Variants in ATP2C1 observed in about 807,000 individuals in gnomAD.
ATP2C1 encodes ATPase secretory pathway Ca2+ transporting 1.
ATP2C1 carries 31 observed loss-of-function variants against 120.5 expected under a neutral mutation model. That is an observed-to-expected ratio of 0.26 (90% CI 0.19 to 0.35). The LOEUF (loss-of-function observed/expected upper bound fraction) is 0.35. Among genes scored for constraint, ATP2C1 ranks in the 10% least tolerant of loss-of-function variants. The pLI is 1.00. For synonymous variants in ATP2C1, 351 were observed against 358.7 expected (o/e 0.98, Z 0.24); for missense variants, 731 against 1,107.5 (o/e 0.66, Z 4.83).
At chr3:130,895,708 T>C (rs1204728104) in intron 2 of ATP2C1, among the ~76,000 whole-genome samples, 1 of 152,248 alleles carries the variant, frequency 6.6e-6, no homozygotes, top group East Asian at 1.9e-4. Context: ...TGGCTGCTTC[T>C]AATTTGTTTT....
At chr3:130,909,688 A>T (rs567374911) in intron 2 of ATP2C1, among the ~76,000 whole-genome samples, 2 of 152,270 alleles carry the variant, frequency 1.3e-5, no homozygotes, top group East Asian at 3.9e-4. Context: ...GCAGTTTAGG[A>T]TAATGTTTAC....
At chr3:131,000,763 G>A (rs2062844739) in intron 27 of ATP2C1, among the ~76,000 whole-genome samples, 1 of 152,002 alleles carries the variant, frequency 6.6e-6, no homozygotes, top group African/African-American at 2.4e-5. Flanking sequence ...TTTTAACTGA[G>A]GGTGATTGTG....
intron 9 of ATP2C1, among the ~76,000 whole-genome samples, chr3:130,954,547 G>A (rs545667098): frequency 6.9e-4 from 105 of 152,204 alleles, no homozygotes; most frequent in African/African-American, 2.4e-3. Flanking sequence ...GTGCAGTGGC[G>A]TGATCTTGGC....
intron 14 of ATP2C1, among the ~76,000 whole-genome samples, chr3:130,965,338 T>C (rs1203541356): frequency 6.6e-6 from 1 of 152,098 alleles, no homozygotes; most frequent in African/African-American, 2.4e-5. Flanking sequence ...CCATCTACTT[T>C]ATAGCCAGCT....
At chr3:130,943,955 G>A (rs369431494) in intron 8 of ATP2C1, among the ~76,000 whole-genome samples, 73 of 152,288 alleles carry the variant, frequency 4.8e-4, no homozygotes, top group African/African-American at 1.5e-3. Context: ...TTTGGCTGTG[G>A]TGATCTTTGG....
At chr3:131,014,496 T>C (rs2063495067) in intron 26 of ATP2C1, 5 of 1,018,226 alleles carry the variant, frequency 4.9e-6, no homozygotes, top group Non-Finnish European at 7.1e-6. Flanking sequence ...AGAGCTCTTA[T>C]TGCTCTATAA....
At chr3:130,857,155 C>G (rs2067867155) in intron 1 of ATP2C1, among the ~76,000 whole-genome samples, 2 of 152,156 alleles carry the variant, frequency 1.3e-5, no homozygotes. Flanking sequence ...CAACCTTTTC[C>G]TCTATCTGAA....
chr3:131,008,309 C>T (rs115356060), intron 26 of ATP2C1, among the ~76,000 whole-genome samples: 1,600 of 151,962 alleles, frequency 0.011, 16 homozygotes, highest in Non-Finnish European at 0.017. Context: ...TCCCTGTAAT[C>T]CCAGCTTCTT....
chr3:130,974,133 TATATTAC>T (rs1405600693), intron 17 of ATP2C1, among the ~76,000 whole-genome samples: 2 of 152,204 alleles, frequency 1.3e-5, no homozygotes, highest in Non-Finnish European at 2.9e-5. Flanking sequence ...AGAAGGGTTT[TATATTAC>T]ATTGAAGAGT....
rs144439301 is a variant in ATP2C1 at position 130,983,972 on chromosome 3, C to G, written c.1839+3293C>G. Among the ~76,000 whole-genome samples the G allele has an allele frequency of 4.8e-3, 734 of 152,298 alleles. 10 individuals carry two copies. Among genetic ancestry groups the G allele is most frequent in the African/African-American group, 0.017 (691 of 41,558 alleles). ...TATATATAAAGCTGCTCTAAACATT[C>G]ATATACAGGTTTTTGCGTAGACATA... On this transcript the variant is annotated intron_variant, in intron 20 of 27. Coordinates refer to ENST00000510168, the MANE Select transcript of ATP2C1 (RefSeq NM_001378687.1).
chr3:130,877,930 C>T (rs1332922275), intron 1 of ATP2C1, among the ~76,000 whole-genome samples: 1 of 152,014 alleles, frequency 6.6e-6, no homozygotes, highest in East Asian at 1.9e-4. Flanking sequence ...AAATGTGGCA[C>T]ATATACACCA....
At chr3:130,963,866 T>G in intron 12 of ATP2C1, 105 bp from the exon 13 acceptor site, 1 of 1,361,432 alleles carries the variant, frequency 7.3e-7, no homozygotes, top group Non-Finnish European at 1.0e-6. Flanking sequence ...AGGTATTGAC[T>G]ATATTAATTT....
intron 2 of ATP2C1, among the ~76,000 whole-genome samples, chr3:130,917,950 C>T (rs766477701): frequency 1.7e-4 from 25 of 151,192 alleles, no homozygotes; most frequent in Non-Finnish European, 2.8e-4. Context: ...AAGATTCACC[C>T]ATGTTGTGCC....
rs551117961 is a variant in ATP2C1, at chr3:130,960,019, A to G, written c.899+678A>G. Among the ~76,000 whole-genome samples, 121 of 152,294 alleles carry G rather than the reference A, an allele frequency of 7.9e-4. 1 individual carries two copies. Among genetic ancestry groups the G allele is most frequent in the African/African-American group, 2.7e-3 (111 of 41,574 alleles). On this transcript the variant is annotated intron_variant, in intron 12 of 27. Coordinates refer to ENST00000510168, the MANE Select transcript of ATP2C1 (RefSeq NM_001378687.1). The stretch of plus-strand genomic sequence containing the variant: ...CAAGTATTTTCTCAAGCTAAGGCAA[A>G]AAGTAAGTCTTTATAGATTGAAAGG...
At chr3:130,991,516 A>G (rs2062341697) in intron 20 of ATP2C1, among the ~76,000 whole-genome samples, 1 of 152,108 alleles carries the variant, frequency 6.6e-6, no homozygotes, top group African/African-American at 2.4e-5. Flanking sequence ...GCACTTTACC[A>G]TCAGTATACA....
At chr3:130,851,305 A>C (rs2067668101) in intron 1 of ATP2C1, among the ~76,000 whole-genome samples, 1 of 152,324 alleles carries the variant, frequency 6.6e-6, no homozygotes, top group Non-Finnish European at 1.5e-5. Context: ...GTCTTCTTGT[A>C]TTTATGGTTA....
chr3:130,894,172 C>CAAA lies in ATP2C1; in HGVS notation c.-346_-345insAAA. On this transcript the variant is annotated 5_prime_UTR_variant, in exon 1 of 28. Transcript: ENST00000510168. This position sits in a 1 kb window ranked among gnomAD's most constrained non-coding sequence, Gnocchi z 4.5. ...TCTCCCCTCCCCGCCCGCCCTCTCT[C>CAAA]CCTCCCTTCCTCCCTCCCGCTCGCT... The CAAA allele has an allele frequency of 2.5e-6, 1 of 402,324 alleles. No individual in the cohort carries two copies. The highest frequency in any genetic ancestry group is 3.3e-6 in the Non-Finnish European group (1 of 300,364). The allele number at this position is 402,324 out of a possible 1,614,324, so 24.9% of individuals were successfully genotyped here.
At chr3:130,870,812 G>C (rs773462168) in intron 1 of ATP2C1, among the ~76,000 whole-genome samples, 3 of 152,236 alleles carry the variant, frequency 2.0e-5, no homozygotes, top group Admixed American at 6.5e-5. Context: ...CAGGGTTTGA[G>C]AGGACTGACT....
At chr3:130,862,417 G>T (rs2068046055) in intron 1 of ATP2C1, among the ~76,000 whole-genome samples, 2 of 151,744 alleles carry the variant, frequency 1.3e-5, no homozygotes, top group African/African-American at 4.8e-5. Flanking sequence ...CTGGCTTCAG[G>T]TGACCTGCCT....
Sources: gnomAD v4.1 joint callset for allele counts (sites outside exome capture counted in the v4.1 genomes callset) on GRCh38, gnomAD v4.1.1 for gene constraint, Gnocchi (gnomAD v3.1) non-coding constraint, MANE v1.5 for transcripts, NCBI Gene and HGNC (gene_info 2026-07-23, HGNC 2026-07-21) for gene names.